The following EXO1 variants were observed in gnomAD, a reference collection of about 807,000 sequenced individuals.
EXO1 encodes exonuclease 1.
A neutral mutation model predicts 84.5 loss-of-function variants in EXO1; 69 were observed. That is an observed-to-expected ratio of 0.82 (90% CI 0.67 to 1.00). The LOEUF (loss-of-function observed/expected upper bound fraction) is 1.00, where lower values mean the gene tolerates loss of function less well. Among genes scored for constraint, EXO1 ranks in the 50% least tolerant of loss-of-function variants. The pLI, the probability that EXO1 is intolerant of heterozygous loss-of-function variation, is 0.00. For missense variants in EXO1, 1,045 were observed against 1,000.7 expected, an observed-to-expected ratio of 1.04 and a Z score of -0.60; for synonymous variants, 373 against 366.1, an observed-to-expected ratio of 1.02 and a Z score of -0.21.
At chr1:241,856,319 C>T (rs1413892780) in intron 6 of EXO1, among the ~76,000 whole-genome samples, 1 of 149,946 alleles carries the variant, frequency 6.7e-6, no homozygotes, top group Non-Finnish European at 1.5e-5. Context: ...ACCATTTTCC[C>T]ATAGTTTAGA....
Position 241,872,155 on chromosome 1 carries a change from T to G in EXO1, c.1391T>G (p.Val464Gly). ...TCTGAAGTGTTTGTGCCTGACCTGG[T>G]AAATGGACCTACTAACAAAAAGAGT... Reference protein sequence around the residue: ...SFSEVFVPDLVNGPTNKKSVS... With the variant: ...SFSEVFVPDLGNGPTNKKSVS... Residue 464 changes from valine (V) to glycine (G), a missense_variant, in exon 12 of 16, where the codon GTA (valine) becomes GGA (glycine). Transcript: ENST00000366548. 6.2e-7 allele frequency: 1 copy of G among 1,614,066 alleles called. No homozygotes were observed. Among genetic ancestry groups the G allele is most frequent in the East Asian group, 2.2e-5 (1 of 44,872 alleles).
chr1:241,872,326 C>T (rs1662160838), intron 12 of EXO1, 48 bp downstream of exon 12: 1 of 1,587,448 alleles, frequency 6.3e-7, no homozygotes, highest in Non-Finnish European at 8.6e-7. Context: ...ATTATGTACT[C>T]TGTTGGTATT....
At chr1:241,852,540 G>C in intron 5 of EXO1, 129 bp downstream of exon 5, 1 of 804,490 alleles carries the variant, frequency 1.2e-6, no homozygotes, top group Non-Finnish European at 2.1e-6. Flanking sequence ...AGGTACTCGG[G>C]AGGTTGAGGC....
chr1:241,882,221 T>G (rs542991886), intron 14 of EXO1, among the ~76,000 whole-genome samples: 14 of 152,306 alleles, frequency 9.2e-5, no homozygotes, highest in Admixed American at 7.2e-4. Flanking sequence ...AAAGATCACT[T>G]TCCAAGTACT....
intron 6 of EXO1, among the ~76,000 whole-genome samples, chr1:241,854,348 G>T (rs575377141): frequency 6.6e-6 from 1 of 152,130 alleles, no homozygotes; most frequent in South Asian, 2.1e-4. Flanking sequence ...TATTGGTCAC[G>T]CTGGGCTCGA....
intron 3 of EXO1, among the ~76,000 whole-genome samples, chr1:241,849,913 A>T (rs1214842385): frequency 1.3e-5 from 2 of 152,220 alleles, no homozygotes; most frequent in African/African-American, 4.8e-5. Flanking sequence ...GATTAATGTA[A>T]ATTCTACCCT....
In EXO1 at chr1:241,879,196, A is replaced by T; in HGVS notation, c.1962A>T (p.Leu654Phe). Residue 654 changes from leucine (L) to phenylalanine (F), a missense_variant, in exon 13 of 16, where the codon TTA becomes TTT. Leu to Phe is a conservative substitution (Grantham distance 22). Transcript: ENST00000366548. The stretch of plus-strand genomic sequence containing the variant: ...ATAATATGTCTGATGTGTCGCAGTT[A>T]AAGAGCGAGGAGTCCAGTGACGATG... ...PENNMSDVSQ[L>F]KSEESSDDES... 6.2e-7 allele frequency: 1 copy of T among 1,603,716 alleles called. No homozygotes were observed. Among genetic ancestry groups the T allele is most frequent in the Non-Finnish European group, 8.5e-7 (1 of 1,171,990 alleles).
intron 6 of EXO1, among the ~76,000 whole-genome samples, chr1:241,854,352 G>A (rs934066973): frequency 6.6e-6 from 1 of 152,140 alleles, no homozygotes; most frequent in African/African-American, 2.4e-5. Context: ...GGTCACGCTG[G>A]GCTCGAACTC....
intron 11 of EXO1, among the ~76,000 whole-genome samples, chr1:241,869,748 CTCCT>C (rs1294171664): frequency 1.0e-4 from 15 of 143,878 alleles, no homozygotes; most frequent in East Asian, 2.1e-4. Context: ...CCCTCCCTCC[CTCCT>C]TCCTTCCTTC....
intron 13 of EXO1, among the ~76,000 whole-genome samples, 199 bp downstream of exon 13, chr1:241,879,542 A>G (rs1415808844): frequency 5.3e-5 from 8 of 152,236 alleles, no homozygotes; most frequent in Non-Finnish European, 7.3e-5. Context: ...ACTGCAATAC[A>G]TTTAAATTAA....
intron 6 of EXO1, among the ~76,000 whole-genome samples, chr1:241,856,255 CTTTTTTTCT>C (rs1166319225): frequency 6.4e-4 from 75 of 117,858 alleles, no homozygotes; most frequent in Non-Finnish European, 8.9e-4. Flanking sequence ...CTCTTTTTTT[CTTTTTTTCT>C]TTTTTTTTTT....
chr1:241,851,124 C>T (rs1163459937), intron 4 of EXO1, among the ~76,000 whole-genome samples: 2 of 152,200 alleles, frequency 1.3e-5, no homozygotes, highest in Non-Finnish European at 1.5e-5. Flanking sequence ...GCCACCATGC[C>T]TGGCCCAATT....
At chr1:241,865,711 T>C (rs1415286915) in intron 10 of EXO1, among the ~76,000 whole-genome samples, 7 of 152,194 alleles carry the variant, frequency 4.6e-5, no homozygotes, top group African/African-American at 1.7e-4. Context: ...GTACACCAAA[T>C]GAGTTATTTT....
rs1480029453 is a variant in EXO1, at chr1:241,850,571, G to T, written c.146G>T (p.Gly49Val). The T allele has an allele frequency of 7.4e-6, 12 of 1,613,618 alleles. No homozygotes were observed. The East Asian group carries it at 2.7e-4, about 36-fold the overall frequency. ...GCTTGTGCTGAAAAACTAGCCAAAG[G>T]TGAACCTACTGATAGGTAAGTCTGG... is the stretch of plus-strand genomic sequence containing the variant. ...AIACAEKLAK[G>V]EPTDRYVGFC... Residue 49 changes from glycine to valine, a missense_variant, in exon 4 of 16, where the codon GGT becomes GTT. Physicochemically the swap from Gly to Val is moderately radical, Grantham distance 109. Transcript: ENST00000366548.
In EXO1 at chr1:241,861,799, C is replaced by T. The variant is rs992990935; in HGVS notation, c.1041+297C>T. On this transcript the variant is annotated intron_variant, in intron 10 of 15. Coordinates refer to ENST00000366548, the MANE Select transcript of EXO1 (RefSeq NM_130398.4). ...CCTTTTTTTCTCATCTCACTCCGTTCGGCTTCTGTGGCATTTGGCATCATT... is the reference window on the plus strand; with the variant it reads ...CCTTTTTTTCTCATCTCACTCCGTTTGGCTTCTGTGGCATTTGGCATCATT... Among the ~76,000 whole-genome samples, 13 of 152,120 alleles carry T rather than the reference C, an allele frequency of 8.5e-5. No individual in the cohort carries two copies. In the South Asian group the frequency reaches 1.0e-3, roughly 12 times the overall value.
rs143189534 is a variant in EXO1 at position 241,850,550 on chromosome 1, G to T, written c.125G>T (p.Cys42Phe). 4 of 1,613,874 alleles carry T rather than the reference G, an allele frequency of 2.5e-6. No individual in the cohort carries two copies. In the African/African-American group the frequency reaches 4.0e-5, roughly 16 times the overall value. ...TGGCTTCACAAAGGAGCTATTGCTT[G>T]TGCTGAAAAACTAGCCAAAGGTGAA... ...YCWLHKGAIA[C>F]AEKLAKGEPT... is the part of the protein sequence containing the mutation. The change falls in exon 4 of 16, where the codon TGT becomes TTT. Residue 42 changes from cysteine to phenylalanine, a missense_variant. By Grantham distance (205) the Cys-to-Phe change is radical (BLOSUM62 -2). Transcript: ENST00000366548.
intron 12 of EXO1, among the ~76,000 whole-genome samples, chr1:241,877,596 C>G (rs1662471268): frequency 6.6e-6 from 1 of 152,018 alleles, no homozygotes; most frequent in Admixed American, 6.5e-5. Context: ...GAACTAATGC[C>G]TATTAAGGAG....
Position 241,872,187 on chromosome 1 carries a change from AC to A in EXO1, c.1424del (p.Thr475IlefsTer46). 6.2e-7 allele frequency: 1 copy of A among 1,613,912 alleles called. No individual in the cohort carries two copies. Among genetic ancestry groups the A allele is most frequent in the Non-Finnish European group, 8.5e-7 (1 of 1,179,938 alleles). The stretch of plus-strand genomic sequence containing the variant: ...ACCTACTAACAAAAAGAGTGTAAGC[AC>A]TCCACCTAGGACGAGAAATAAATTT... ...NGPTNKKSVS[T>X]PPRTRNKFAT... On this transcript the variant is annotated frameshift_variant, in exon 12 of 16. Transcript: ENST00000366548. LOFTEE classifies it high-confidence loss of function.
At chr1:241,850,066 G>T (rs2148372953) in intron 3 of EXO1, among the ~76,000 whole-genome samples, 1 of 152,288 alleles carries the variant, frequency 6.6e-6, no homozygotes, top group South Asian at 2.1e-4. Context: ...CGGATCACGA[G>T]TTCAGGAGAT....
Sources: allele counts gnomAD v4.1 joint callset (sites outside exome capture counted in the v4.1 genomes callset), GRCh38; gene constraint gnomAD v4.1.1; transcripts MANE v1.5; gene names NCBI Gene and HGNC (gene_info 2026-07-23, HGNC 2026-07-21).